NTM: variants seen among roughly 807,000 people sequenced by gnomAD.
NTM encodes the protein IgLON family member 2.
In NTM, 13 loss-of-function variants were observed where a neutral mutation model predicts 42.1. The observed-to-expected ratio is 0.31, with a 90% CI of 0.20 to 0.49. NTM has a LOEUF of 0.49. Ranked by LOEUF, NTM falls within the 20% of genes least tolerant of loss-of-function variation. NTM has a pLI of 0.99. For synonymous variants in NTM, 187 were observed against 179.2 expected, an observed-to-expected ratio of 1.04 and a Z score of -0.35; for missense variants, 373 against 452.8, an observed-to-expected ratio of 0.82 and a Z score of 1.60.
At chr11:132,276,310 C>T (rs2093725670) in intron 4 of NTM, among the ~76,000 whole-genome samples, 2 of 152,012 alleles carry the variant, frequency 1.3e-5, no homozygotes, top group African/African-American at 2.4e-5. Context: ...TATGAGAGTG[C>T]AGATATCTCT....
At chr11:131,434,778 A>G (rs1948986377) in intron 1 of NTM, among the ~76,000 whole-genome samples, 1 of 152,192 alleles carries the variant, frequency 6.6e-6, no homozygotes, top group Non-Finnish European at 1.5e-5. Context: ...CACTGTGAAG[A>G]AGCTCTTTAG....
At chr11:131,834,353 T>C (rs1192525653) in intron 1 of NTM, among the ~76,000 whole-genome samples, 1 of 152,120 alleles carries the variant, frequency 6.6e-6, no homozygotes, top group African/African-American at 2.4e-5. Flanking sequence ...TTTGATTTAA[T>C]TCCATGGTTT....
chr11:131,685,461 C>T (rs1312178607), intron 1 of NTM, among the ~76,000 whole-genome samples: 7 of 152,200 alleles, frequency 4.6e-5, no homozygotes, highest in South Asian at 2.1e-4. Context: ...GTTTCTGACC[C>T]TCTATTTACT....
At chr11:131,976,706 C>T (rs764848103) in intron 2 of NTM, among the ~76,000 whole-genome samples, 6 of 152,054 alleles carry the variant, frequency 3.9e-5, no homozygotes, top group African/African-American at 9.7e-5. Flanking sequence ...CCATAGGTCA[C>T]GGACAGACTC....
At chr11:131,603,092 C>T (rs537617831) in intron 1 of NTM, among the ~76,000 whole-genome samples, 2 of 152,290 alleles carry the variant, frequency 1.3e-5, no homozygotes, top group Admixed American at 6.5e-5. Flanking sequence ...CTCCTTTGCT[C>T]GATCCTTTTA....
At chr11:131,580,334 C>T (rs1417358262) in intron 1 of NTM, among the ~76,000 whole-genome samples, 1 of 152,116 alleles carries the variant, frequency 6.6e-6, no homozygotes, top group Non-Finnish European at 1.5e-5. Context: ...TCTTTATAGC[C>T]ACATTACGGT....
intron 1 of NTM, among the ~76,000 whole-genome samples, chr11:131,575,517 C>A (rs757126822): frequency 2.0e-5 from 3 of 152,090 alleles, no homozygotes; most frequent in Non-Finnish European, 4.4e-5. Context: ...GTGGCACAGT[C>A]TAACTGAGGA....
intron 1 of NTM, among the ~76,000 whole-genome samples, chr11:131,788,284 T>G (rs1591832067): frequency 6.6e-6 from 1 of 152,094 alleles, no homozygotes; most frequent in Admixed American, 6.5e-5. Context: ...TTAAAAAAAT[T>G]TATTACTCTT....
rs186323589 is a variant in NTM at position 131,838,821 on chromosome 11, A to G, written c.83-72743A>G. Among the ~76,000 whole-genome samples the G allele has an allele frequency of 3.3e-5, 5 of 152,330 alleles. No homozygotes were observed. In the East Asian group the frequency reaches 9.6e-4, roughly 29 times the overall value. On this transcript the variant is annotated intron_variant, in intron 1 of 8. Transcript: ENST00000683400. ...TCATTCATTCAAAAAATATCCACTG[A>G]GCATCTACTGTGTACCAGGTATTCT...
intron 1 of NTM, chr11:131,663,630 T>A (rs185790639): frequency 6.6e-6 from 1 of 152,238 alleles, no homozygotes; most frequent in African/African-American, 2.4e-5. Context: ...AACAAAGAAC[T>A]CTGTGGTCTT....
chr11:131,553,834 C>G (rs2055029586), intron 1 of NTM, among the ~76,000 whole-genome samples: 1 of 152,172 alleles, frequency 6.6e-6, no homozygotes, highest in African/African-American at 2.4e-5. Context: ...AAGTCAAGTT[C>G]TTACCTCTCC....
intron 2 of NTM, among the ~76,000 whole-genome samples, chr11:131,952,342 T>C (rs1372987327): frequency 6.6e-6 from 1 of 152,244 alleles, no homozygotes; most frequent in Non-Finnish European, 1.5e-5. Flanking sequence ...AGGAACTCTA[T>C]AGTCATCTAA....
At chr11:131,401,699 T>C (rs889603666) in intron 1 of NTM, among the ~76,000 whole-genome samples, 1 of 149,362 alleles carries the variant, frequency 6.7e-6, no homozygotes, top group Non-Finnish European at 1.5e-5. Flanking sequence ...TGGTAAACTA[T>C]TAGAAATCAT....
intron 2 of NTM, among the ~76,000 whole-genome samples, chr11:132,047,138 C>G (rs2078136201): frequency 6.6e-6 from 1 of 152,232 alleles, no homozygotes; most frequent in South Asian, 2.1e-4. Flanking sequence ...TTCTTTGCCT[C>G]CATCCAGTCT....
At chr11:131,634,089 C>T (rs2064062137) in intron 1 of NTM, among the ~76,000 whole-genome samples, 1 of 152,138 alleles carries the variant, frequency 6.6e-6, no homozygotes, top group South Asian at 2.1e-4. Flanking sequence ...TCTGTTTGCA[C>T]ATGAGCTTGG....
chr11:132,260,277 A>G (rs1285927424), intron 4 of NTM, among the ~76,000 whole-genome samples: 1 of 151,962 alleles, frequency 6.6e-6, no homozygotes, highest in Non-Finnish European at 1.5e-5. Context: ...TAAAGATAAG[A>G]GAACATAAGT....
intron 2 of NTM, among the ~76,000 whole-genome samples, chr11:131,971,768 G>T (rs182853584): frequency 6.6e-6 from 1 of 152,096 alleles, no homozygotes; most frequent in Non-Finnish European, 1.5e-5. Flanking sequence ...AAAATTAGCT[G>T]GGCGCAGTGG....
intron 2 of NTM, among the ~76,000 whole-genome samples, chr11:132,111,826 T>G (rs2063242783): frequency 6.6e-6 from 1 of 152,276 alleles, no homozygotes; most frequent in African/African-American, 2.4e-5. Context: ...AAGCTGGATC[T>G]GTCTCCATAA....
chr11:131,925,162 T>C (rs2057768225), intron 2 of NTM, among the ~76,000 whole-genome samples: 1 of 152,184 alleles, frequency 6.6e-6, no homozygotes. Context: ...AGACATGCTA[T>C]AATTGGTGAA....
Sources: allele counts gnomAD v4.1 joint callset (sites outside exome capture counted in the v4.1 genomes callset), GRCh38; gene constraint gnomAD v4.1.1; transcripts MANE v1.5; gene names NCBI Gene and HGNC (gene_info 2026-07-23, HGNC 2026-07-21).